Variants in MAPK7 observed in about 807,000 individuals in gnomAD.
The protein encoded by MAPK7 is BMK-1.
In MAPK7, 30 loss-of-function variants were observed where a neutral mutation model predicts 56.9. That is an observed-to-expected ratio of 0.53 (90% CI 0.39 to 0.72). The LOEUF is 0.72. Ranked by LOEUF, MAPK7 falls within the 30% of genes least tolerant of loss-of-function variation. The pLI, the probability that MAPK7 is intolerant of heterozygous loss-of-function variation, is 0.00. For synonymous variants in MAPK7, 516 were observed against 449.3 expected (o/e 1.15, Z -1.88); for missense variants, 952 against 1,110.8 (o/e 0.86, Z 2.03).
rs1912646149 is a variant in MAPK7, at chr17:19,381,338, A to G, written c.1129A>G (p.Ile377Val). The G allele has an allele frequency of 1.2e-6, 2 of 1,614,026 alleles. No homozygotes were observed. The highest frequency in any genetic ancestry group is 1.7e-5 in the Admixed American group (1 of 60,012). ...CCGCGAAGCCCTCACTCGGGAGCGC[A>G]TTAAGGAGGCCATTGTGGCTGAAAT... ...FDREALTRER[I>V]KEAIVAEIED... Residue 377 changes from isoleucine (I) to valine (V), a missense_variant, in exon 4 of 7, where the codon ATT (isoleucine) becomes GTT (valine). By Grantham distance (29) the Ile-to-Val change is conservative. Transcript: ENST00000395604. The surrounding 1 kb of genome is among the most constrained non-coding windows in gnomAD (Gnocchi z 4.6).
Position 19,382,360 on chromosome 17 carries a change from A to T in MAPK7, c.2057A>T (p.Tyr686Phe). Reference protein sequence around the residue: ...PGSSTPGVLPYFPPGLPPPDA... With the variant: ...PGSSTPGVLPFFPPGLPPPDA... ...TCCAGCACCCCAGGAGTTTTGCCTT[A>T]CTTCCCACCTGGCCTGCCGCCCCCA... is the stretch of plus-strand genomic sequence containing the variant. The change falls in exon 5 of 7, where the codon TAC becomes TTC. Residue 686 changes from tyrosine to phenylalanine, a missense_variant. Physicochemically the swap from Tyr to Phe is conservative, Grantham distance 22. This residue lies in a region of MAPK7 where 234 missense variants were observed against 210.4 expected (regional missense o/e 1.11). Coordinates refer to ENST00000395604, the MANE Select transcript of MAPK7 (RefSeq NM_002749.4). 1 of 1,613,456 alleles carries T rather than the reference A, an allele frequency of 6.2e-7. No individual in the cohort carries two copies. The highest frequency in any genetic ancestry group is 8.5e-7 in the Non-Finnish European group (1 of 1,179,996).
chr17:19,383,287 G>T lies in MAPK7; in HGVS notation c.*56G>T. 6.3e-7 allele frequency: 1 copy of T among 1,588,562 alleles called. No homozygotes were observed. Among genetic ancestry groups the T allele is most frequent in the Non-Finnish European group, 8.6e-7 (1 of 1,162,534 alleles). ...AGACCTAGTTCCAGGATCCATGGGA[G>T]CATTCTCAAAGGCTTTAGCCCTGGA... On this transcript the variant is annotated 3_prime_UTR_variant, in exon 7 of 7. Coordinates refer to ENST00000395604, the MANE Select transcript of MAPK7 (RefSeq NM_002749.4).
At chr17:19,379,976 G>T (rs886852456) in intron 3 of MAPK7, 29 bp downstream of exon 3, 7 of 1,598,306 alleles carry the variant, frequency 4.4e-6, no homozygotes, top group Non-Finnish European at 6.0e-6. Context: ...GAGGGAGCCA[G>T]ACTTGGGACT....
chr17:19,382,236 C>T lies in MAPK7; in HGVS notation c.1933C>T (p.Pro645Ser), dbSNP rs779993745. The change falls in exon 5 of 7, where the codon CCT (proline) becomes TCT (serine). Residue 645 changes from proline (P) to serine (S), a missense_variant. Pro to Ser is a moderately conservative substitution (Grantham distance 74). Coordinates refer to ENST00000395604, the MANE Select transcript of MAPK7 (RefSeq NM_002749.4). ...PPGPAPHPTG[P>S]PGPIPVPAPP... is the part of the protein sequence containing the mutation. ...TGGCCCTGCACCCCACCCCACTGGC[C>T]CTCCTGGGCCCATCCCTGTCCCCGC... is the stretch of plus-strand genomic sequence containing the variant. The T allele has an allele frequency of 3.7e-6, 6 of 1,611,714 alleles. No individual in the cohort carries two copies. Among genetic ancestry groups the T allele is most frequent in the Non-Finnish European group, 5.1e-6 (6 of 1,179,540 alleles).
intron 3 of MAPK7, 172 bp from the exon 4 acceptor site, chr17:19,380,433 AGTC>A (rs1912549329): frequency 7.2e-7 from 1 of 1,391,616 alleles, no homozygotes; most frequent in Non-Finnish European, 9.3e-7. Context: ...TTCATGGAAA[AGTC>A]GTAGAGAATC....
rs1912316149 is a variant in MAPK7, at chr17:19,378,638, C to T, written c.-6+8C>T. On this transcript the variant is annotated splice_region_variant and intron_variant, in intron 1 of 6. Coordinates refer to ENST00000395604, the MANE Select transcript of MAPK7 (RefSeq NM_002749.4). This position sits in a 1 kb window ranked among gnomAD's most constrained non-coding sequence, Gnocchi z 5.4. ...CCTTGAGGAGGCGCGGGGGTGAGTG[C>T]GGCCCTGAGGAAACCCAGGTGCCCC... The T allele has an allele frequency of 5.1e-6, 7 of 1,377,292 alleles. No homozygotes were observed. Among genetic ancestry groups the T allele is most frequent in the Non-Finnish European group, 6.6e-6 (7 of 1,067,324 alleles). The allele number at this position is 1,377,292 out of a possible 1,614,324, so 85.3% of individuals were successfully genotyped here. A position where few individuals can be genotyped will look rare whatever the true frequency, so the allele number is the denominator to read the frequency against.
chr17:19,381,867 C>T lies in MAPK7; in HGVS notation c.1564C>T (p.Arg522Trp). 2 of 1,580,924 alleles carry T rather than the reference C, an allele frequency of 1.3e-6. No individual in the cohort carries two copies. The highest frequency in any genetic ancestry group is 1.7e-6 in the Non-Finnish European group (2 of 1,163,144). Residue 522 changes from arginine (R) to tryptophan (W), a missense_variant, in exon 5 of 7, where the codon CGG becomes TGG. This residue lies in a region of MAPK7 where 429 missense variants were observed against 533.0 expected (regional missense o/e 0.80). Coordinates refer to ENST00000395604, the MANE Select transcript of MAPK7 (RefSeq NM_002749.4). This position sits in a 1 kb window ranked among gnomAD's most constrained non-coding sequence, Gnocchi z 4.6. ...CCAGCGGGAGCGGGAGGAGAAGCGG[C>T]GGAGGCGGCAAGAACGAGCCAAGGA... ...ERQREREEKR[R>W]RRQERAKERE...
chr17:19,381,565 C>G lies in MAPK7; in HGVS notation c.1356C>G (p.Thr452=). 6.2e-7 allele frequency: 1 copy of G among 1,613,780 alleles called. No individual in the cohort carries two copies. The highest frequency in any genetic ancestry group is 8.5e-7 in the Non-Finnish European group (1 of 1,180,008). Residue 452 remains threonine (T), a synonymous_variant, in exon 4 of 7, where the codon ACC becomes ACG. Transcript: ENST00000395604. The surrounding 1 kb of genome is among the most constrained non-coding windows in gnomAD (Gnocchi z 4.6). ...PGPAPDTIDL[T]LQPPPPVSEP... Reference sequence around the variant, plus strand: ...CTGCACCTGACACCATTGATCTGACCCTGCAGCCACCTCCACCAGTCAGTG... The same window carrying G: ...CTGCACCTGACACCATTGATCTGACGCTGCAGCCACCTCCACCAGTCAGTG...
In MAPK7 at chr17:19,378,660, C is replaced by T; in HGVS notation, c.-6+30C>T. 3 of 1,406,886 alleles carry T rather than the reference C, an allele frequency of 2.1e-6. No homozygotes were observed. The highest frequency in any genetic ancestry group is 2.8e-6 in the Non-Finnish European group (3 of 1,084,262). The allele number at this position is 1,406,886 out of a possible 1,614,324, so 87.2% of individuals were successfully genotyped here. On this transcript the variant is annotated intron_variant, in intron 1 of 6. Coordinates refer to ENST00000395604, the MANE Select transcript of MAPK7 (RefSeq NM_002749.4). The surrounding 1 kb of genome is among the most constrained non-coding windows in gnomAD (Gnocchi z 5.4). ...GTGCGGCCCTGAGGAAACCCAGGTGCCCCGCCCCTCCCTTTCTTCCTGGCC... is the reference window on the plus strand; with the variant it reads ...GTGCGGCCCTGAGGAAACCCAGGTGTCCCGCCCCTCCCTTTCTTCCTGGCC...
Position 19,381,206 on chromosome 17 carries a change from A to G in MAPK7, c.997A>G (p.Ser333Gly). 6.2e-7 allele frequency: 1 copy of G among 1,614,142 alleles called. No individual in the cohort carries two copies. The highest frequency in any genetic ancestry group is 1.3e-5 in the African/African-American group (1 of 75,068). ...LLGRMLRFEP[S>G]ARISAAAALR... ...GGGTCGCATGCTGCGTTTTGAGCCC[A>G]GCGCTCGCATCTCAGCAGCTGCTGC... is the stretch of plus-strand genomic sequence containing the variant. Residue 333 changes from serine (S) to glycine (G), a missense_variant, in exon 4 of 7, where the codon AGC (serine) becomes GGC (glycine). Coordinates refer to ENST00000395604, the MANE Select transcript of MAPK7 (RefSeq NM_002749.4). This position sits in a 1 kb window ranked among gnomAD's most constrained non-coding sequence, Gnocchi z 4.6.
Position 19,381,277 on chromosome 17 carries a change from G to A in MAPK7, c.1068G>A (p.Glu356=), listed in dbSNP as rs376721269. The change falls in exon 4 of 7, where the codon GAG becomes GAA. Residue 356 remains glutamate (E), a synonymous_variant. Transcript: ENST00000395604. The surrounding 1 kb of genome is among the most constrained non-coding windows in gnomAD (Gnocchi z 4.6). ...CCAAGTACCATGATCCTGATGATGA[G>A]CCTGACTGTGCCCCGCCCTTTGACT... is the stretch of plus-strand genomic sequence containing the variant. ...FLAKYHDPDD[E]PDCAPPFDFA... 3.7e-6 allele frequency: 6 copies of A among 1,614,064 alleles called. No individual in the cohort carries two copies. The highest frequency in any genetic ancestry group is 5.1e-6 in the Non-Finnish European group (6 of 1,180,040).
At position 19,381,370 on chromosome 17, in the gene MAPK7, C is replaced by T. The variant is rs1252540361; in HGVS notation, c.1161C>T (p.Asp387=). ...IKEAIVAEIE[D]FHARREGIRQ... The stretch of plus-strand genomic sequence containing the variant: ...AGGCCATTGTGGCTGAAATTGAGGA[C>T]TTCCATGCAAGGCGTGAGGGCATCC... Residue 387 remains aspartate (D), a synonymous_variant, in exon 4 of 7, where the codon GAC becomes GAT. Coordinates refer to ENST00000395604, the MANE Select transcript of MAPK7 (RefSeq NM_002749.4). This position sits in a 1 kb window ranked among gnomAD's most constrained non-coding sequence, Gnocchi z 4.6. The T allele has an allele frequency of 6.2e-7, 1 of 1,614,178 alleles. No homozygotes were observed. Among genetic ancestry groups the T allele is most frequent in the Non-Finnish European group, 8.5e-7 (1 of 1,180,038 alleles).
chr17:19,379,068 G>A lies in MAPK7; in HGVS notation c.168G>A (p.Glu56=). 6.2e-7 allele frequency: 1 copy of A among 1,614,130 alleles called. No homozygotes were observed. Among genetic ancestry groups the A allele is most frequent in the Non-Finnish European group, 8.5e-7 (1 of 1,180,012 alleles). ...DVTFDVGDEY[E]IIETIGNGAY... ...CCTTTGACGTGGGCGACGAGTACGA[G>A]ATCATCGAGACCATAGGCAACGGGG... Residue 56 remains glutamate, a synonymous_variant, in exon 2 of 7, where the codon GAG becomes GAA. Transcript: ENST00000395604.
chr17:19,380,108 T>C (rs1216001685), intron 3 of MAPK7, 161 bp downstream of exon 3: 1 of 723,402 alleles, frequency 1.4e-6, no homozygotes, highest in Non-Finnish European at 2.2e-6. Flanking sequence ...CAGGGACAAC[T>C]GTTATTCCTC....
Position 19,378,513 on chromosome 17 carries a change from G to C in MAPK7, c.-123G>C, listed in dbSNP as rs1252005386. ...GGGGACGGACAGGGCAGCTCAAGAC[G>C]CTGAGGTGGTGGCTGCGGCCTTTGA... On this transcript the variant is annotated 5_prime_UTR_variant, in exon 1 of 7. Coordinates refer to ENST00000395604, the MANE Select transcript of MAPK7 (RefSeq NM_002749.4). This position sits in a 1 kb window ranked among gnomAD's most constrained non-coding sequence, Gnocchi z 5.4. 14 of 1,100,562 alleles carry C rather than the reference G, an allele frequency of 1.3e-5. No individual in the cohort carries two copies. Among genetic ancestry groups the C allele is most frequent in the Non-Finnish European group, 1.6e-5 (14 of 898,878 alleles). 68.2% of individuals were successfully genotyped at this position (1,100,562 alleles called of 1,614,324 possible). A position where few individuals can be genotyped will look rare whatever the true frequency, so the allele number is the denominator to read the frequency against.
chr17:19,379,489 A>C, intron 2 of MAPK7: 1 of 557,468 alleles, frequency 1.8e-6, no homozygotes, highest in Non-Finnish European at 3.2e-6. Flanking sequence ...GGGTGTAGGC[A>C]TAAGAGGCTG....
At position 19,381,243 on chromosome 17, in the gene MAPK7, C is replaced by G; in HGVS notation, c.1034C>G (p.Pro345Arg). 1.2e-6 allele frequency: 2 copies of G among 1,614,134 alleles called. No homozygotes were observed. The highest frequency in any genetic ancestry group is 1.7e-6 in the Non-Finnish European group (2 of 1,180,044). ...RISAAAALRH[P>R]FLAKYHDPDD... ...TCAGCAGCTGCTGCCCTTCGCCACC[C>G]TTTCCTGGCCAAGTACCATGATCCT... The change falls in exon 4 of 7, where the codon CCT (proline) becomes CGT (arginine). Residue 345 changes from proline (P) to arginine (R), a missense_variant. Around this residue, in one of 5 missense-constraint regions of MAPK7, gnomAD observed 429 missense variants for 533.0 expected, o/e 0.80. Transcript: ENST00000395604. The surrounding 1 kb of genome is among the most constrained non-coding windows in gnomAD (Gnocchi z 4.6).
Position 19,381,181 on chromosome 17 carries a change from G to A in MAPK7, c.972G>A (p.Leu324=). Residue 324 remains leucine, a synonymous_variant, in exon 4 of 7, where the codon CTG becomes CTA. Coordinates refer to ENST00000395604, the MANE Select transcript of MAPK7 (RefSeq NM_002749.4). The surrounding 1 kb of genome is among the most constrained non-coding windows in gnomAD (Gnocchi z 4.6). ...CCGACCGCCAGGCCCTATCACTGCTGGGTCGCATGCTGCGTTTTGAGCCCA... is the reference window on the plus strand; with the variant it reads ...CCGACCGCCAGGCCCTATCACTGCTAGGTCGCATGCTGCGTTTTGAGCCCA... ...PGADRQALSL[L]GRMLRFEPSA... is the part of the protein sequence containing the mutation. 6.2e-7 allele frequency: 1 copy of A among 1,614,142 alleles called. No homozygotes were observed. The highest frequency in any genetic ancestry group is 8.5e-7 in the Non-Finnish European group (1 of 1,180,052).
intron 2 of MAPK7, 188 bp from the exon 3 acceptor site, chr17:19,379,594 G>A (rs533377715): frequency 3.3e-6 from 2 of 603,608 alleles, no homozygotes; most frequent in African/African-American, 3.7e-5. Context: ...GCCCCGCAGG[G>A]GAGTTGTGAA....
Sources: allele counts gnomAD v4.1 joint callset, GRCh38; gene constraint gnomAD v4.1.1; regional missense constraint gnomAD v4.1.1; non-coding constraint Gnocchi (gnomAD v3.1); transcripts MANE v1.5; gene names NCBI Gene and HGNC (gene_info 2026-07-23, HGNC 2026-07-21).